The following ALPK1 variants were observed in gnomAD, a reference collection of about 807,000 sequenced individuals.
The protein encoded by ALPK1 is alpha kinase 1.
In ALPK1, 110 loss-of-function variants were observed where a neutral mutation model predicts 120.6. That is an observed-to-expected ratio of 0.91 (90% CI 0.78 to 1.07). The LOEUF is 1.07. Ranked by LOEUF, ALPK1 falls within the 50% of genes least tolerant of loss-of-function variation. The probability of loss-of-function intolerance (pLI) is 0.00; values close to 1 mark genes in which losing one functional copy is unlikely to be tolerated. For synonymous variants in ALPK1, 582 were observed against 560.3 expected (o/e 1.04, Z -0.55); for missense variants, 1,498 against 1,483.9 (o/e 1.01, Z -0.16).
chr4:112,428,130 A>G (rs78596457), intron 9 of ALPK1: 8,066 of 157,452 alleles, frequency 0.051, 690 homozygotes, highest in African/African-American at 0.18. Context: ...TCAAGAAAGT[A>G]TATATATATC....
At chr4:112,416,534 G>A (rs1003310766) in intron 5 of ALPK1, among the ~76,000 whole-genome samples, 2 of 152,166 alleles carry the variant, frequency 1.3e-5, no homozygotes, top group African/African-American at 2.4e-5. Flanking sequence ...CTCAGAATTG[G>A]AGAAAATTAT....
chr4:112,370,661 G>A (rs75247930), intron 2 of ALPK1, among the ~76,000 whole-genome samples: 1,536 of 152,248 alleles, frequency 0.01, 19 homozygotes, highest in African/African-American at 0.032. Context: ...GCCTAACAAT[G>A]AGCCATACAA....
chr4:112,369,404 G>A (rs1018902941), intron 2 of ALPK1, among the ~76,000 whole-genome samples: 1 of 152,146 alleles, frequency 6.6e-6, no homozygotes, highest in Non-Finnish European at 1.5e-5. Flanking sequence ...TGAAATGGTG[G>A]GAACAGCTGG....
At chr4:112,364,937 C>T (rs1233801319) in intron 2 of ALPK1, among the ~76,000 whole-genome samples, 1 of 152,082 alleles carries the variant, frequency 6.6e-6, no homozygotes, top group African/African-American at 2.4e-5. Context: ...ACCACATAAA[C>T]AGAACTAAAA....
intron 1 of ALPK1, among the ~76,000 whole-genome samples, chr4:112,314,840 G>GA (rs1405097351): frequency 6.8e-6 from 1 of 146,740 alleles, no homozygotes; most frequent in Non-Finnish European, 1.5e-5. Context: ...TAGGAGAGTT[G>GA]AAAAATGTAA....
At chr4:112,435,062 C>A in intron 11 of ALPK1, 86 bp from the exon 12 acceptor site, 2 of 1,312,614 alleles carry the variant, frequency 1.5e-6, no homozygotes, top group South Asian at 2.6e-5. Context: ...GGTGAGCTGG[C>A]GTAGGACCTG....
At position 112,411,372 on chromosome 4, in the gene ALPK1, A is replaced by C. The variant is rs184826257; in HGVS notation, c.277-455A>C. 6.1e-3 allele frequency among the ~76,000 whole-genome samples: 934 copies of C among 152,144 alleles called. 5 individuals carry two copies. Among genetic ancestry groups the C allele is most frequent in the African/African-American group, 0.021 (879 of 41,510 alleles). ...CCCGAGTAGCTGGGACTACAGGCGC[A>C]TGCCACCACACCCAGCTAATTTTTG... On this transcript the variant is annotated intron_variant, in intron 4 of 15. Transcript: ENST00000650871.
At chr4:112,304,598 T>G (rs1727942811) in intron 1 of ALPK1, among the ~76,000 whole-genome samples, 1 of 152,118 alleles carries the variant, frequency 6.6e-6, no homozygotes, top group Admixed American at 6.5e-5. Context: ...GATGGGGTTG[T>G]TTGTTTTTTT....
chr4:112,336,982 T>A (rs902360943), intron 2 of ALPK1, among the ~76,000 whole-genome samples: 1 of 152,138 alleles, frequency 6.6e-6, no homozygotes, highest in Non-Finnish European at 1.5e-5. Context: ...GAAAATGTAG[T>A]TCATATAAGT....
intron 6 of ALPK1, among the ~76,000 whole-genome samples, chr4:112,424,508 ATAGT>A (rs779971699): frequency 2.1e-4 from 32 of 152,344 alleles, no homozygotes; most frequent in South Asian, 1.0e-3. Context: ...GCAAGACCTA[ATAGT>A]TAGGTAACAA....
chr4:112,308,844 C>T (rs1241008523), intron 1 of ALPK1, among the ~76,000 whole-genome samples: 4 of 152,074 alleles, frequency 2.6e-5, no homozygotes, highest in Non-Finnish European at 5.9e-5. Flanking sequence ...GAATTTTCAG[C>T]TTTTCTGCTC....
chr4:112,435,556 C>A (rs1734753694), intron 12 of ALPK1, among the ~76,000 whole-genome samples: 1 of 152,158 alleles, frequency 6.6e-6, no homozygotes, highest in Non-Finnish European at 1.5e-5. Flanking sequence ...ATTGGCCATA[C>A]TGTACTGATA....
Position 112,348,613 on chromosome 4 carries a change from G to A in ALPK1, c.-100-29065G>A, listed in dbSNP as rs1339154675. Among the ~76,000 whole-genome samples the A allele has an allele frequency of 3.3e-5, 5 of 152,156 alleles. No homozygotes were observed. The South Asian group carries it at 1.0e-3, about 31-fold the overall frequency. ...CTGTCTTTGCGCCTGCAAAGTGTGC[G>A]GACATCCAGGCGGTTCTCCGTTACC... On this transcript the variant is annotated intron_variant, in intron 2 of 15. Coordinates refer to ENST00000650871, the MANE Select transcript of ALPK1 (RefSeq NM_025144.4).
At chr4:112,389,656 A>T (rs924454967) in intron 4 of ALPK1, among the ~76,000 whole-genome samples, 1 of 152,206 alleles carries the variant, frequency 6.6e-6, no homozygotes, top group African/African-American at 2.4e-5. Flanking sequence ...CGGGGTGGGC[A>T]CTAAGTATAA....
At chr4:112,310,741 C>T (rs1578451327) in intron 1 of ALPK1, among the ~76,000 whole-genome samples, 1 of 152,040 alleles carries the variant, frequency 6.6e-6, no homozygotes, top group Admixed American at 6.6e-5. Flanking sequence ...AGGATAACAA[C>T]GTCCATTTTC....
chr4:112,417,419 A>T (rs1185173792), intron 5 of ALPK1, among the ~76,000 whole-genome samples: 1 of 152,248 alleles, frequency 6.6e-6, no homozygotes, highest in Non-Finnish European at 1.5e-5. Flanking sequence ...CCAACATTGT[A>T]TTAAATTAAT....
intron 3 of ALPK1, among the ~76,000 whole-genome samples, chr4:112,381,158 T>C (rs1731888118): frequency 6.6e-6 from 1 of 152,188 alleles, no homozygotes; most frequent in Admixed American, 6.5e-5. Context: ...GGAGCAAGAT[T>C]CAGACAATAA....
intron 4 of ALPK1, among the ~76,000 whole-genome samples, chr4:112,385,609 A>C (rs1353210870): frequency 1.3e-5 from 2 of 152,198 alleles, no homozygotes; most frequent in Non-Finnish European, 2.9e-5. Flanking sequence ...TCTGTTTTGT[A>C]AATATGGAGA....
chr4:112,348,134 G>A lies in ALPK1; in HGVS notation c.-100-29544G>A, dbSNP rs376060259. Reference sequence around the variant, plus strand: ...AGCACATTTGCTCTGCAACTTAGCCGCATTTCACTCAGTCACATAACTCTT... The same window carrying A: ...AGCACATTTGCTCTGCAACTTAGCCACATTTCACTCAGTCACATAACTCTT... On this transcript the variant is annotated intron_variant, in intron 2 of 15. Coordinates refer to ENST00000650871, the MANE Select transcript of ALPK1 (RefSeq NM_025144.4). 4.6e-5 allele frequency among the ~76,000 whole-genome samples: 7 copies of A among 152,262 alleles called. No individual in the cohort carries two copies. The East Asian group carries it at 7.7e-4, about 17-fold the overall frequency.
Sources: allele counts gnomAD v4.1 joint callset (sites outside exome capture counted in the v4.1 genomes callset), GRCh38; gene constraint gnomAD v4.1.1; transcripts MANE v1.5; gene names NCBI Gene and HGNC (gene_info 2026-07-23, HGNC 2026-07-21).